Variants in OPCML observed in about 807,000 individuals in gnomAD.
OPCML encodes the protein opioid-binding protein/cell adhesion molecule.
OPCML carries 13 observed loss-of-function variants against 37.8 expected under a neutral mutation model. That is an observed-to-expected ratio of 0.34 (90% CI 0.22 to 0.55). The LOEUF (loss-of-function observed/expected upper bound fraction) is 0.55. Ranked by LOEUF, OPCML falls within the 20% of genes least tolerant of loss-of-function variation. The pLI is 0.91. For missense variants in OPCML, 341 were observed against 435.6 expected, an observed-to-expected ratio of 0.78 and a Z score of 1.93; for synonymous variants, 176 against 168.8, an observed-to-expected ratio of 1.04 and a Z score of -0.33.
chr11:132,632,127 T>C (rs1458191819), intron 3 of OPCML, among the ~76,000 whole-genome samples: 1 of 143,702 alleles, frequency 7.0e-6, no homozygotes, highest in Non-Finnish European at 1.5e-5. Context: ...GGAATGCAGA[T>C]CCAGCTTAAA....
chr11:133,438,577 C>A (rs952697842), intron 1 of OPCML, among the ~76,000 whole-genome samples: 16 of 152,094 alleles, frequency 1.1e-4, no homozygotes, highest in African/African-American at 2.9e-4. Flanking sequence ...AGGTATGACA[C>A]AATAAGAAAT....
chr11:133,403,467 A>AT (rs1945454640), intron 1 of OPCML, among the ~76,000 whole-genome samples: 2 of 152,084 alleles, frequency 1.3e-5, no homozygotes, highest in African/African-American at 4.8e-5. Context: ...GCTTAGTTTA[A>AT]TTTTTTTCTA....
intron 2 of OPCML, among the ~76,000 whole-genome samples, chr11:132,807,171 T>A (rs1939066154): frequency 6.6e-6 from 1 of 151,872 alleles, no homozygotes; most frequent in African/African-American, 2.4e-5. Context: ...ACAACAAACA[T>A]AAGAGCAAAA....
intron 3 of OPCML, among the ~76,000 whole-genome samples, chr11:132,551,493 G>A (rs1369198271): frequency 1.3e-5 from 2 of 152,176 alleles, no homozygotes; most frequent in Admixed American, 1.3e-4. Flanking sequence ...CACAAGATTA[G>A]AAATTATGGT....
At chr11:132,540,156 G>A (rs1189063082) in intron 3 of OPCML, among the ~76,000 whole-genome samples, 1 of 152,184 alleles carries the variant, frequency 6.6e-6, no homozygotes, top group African/African-American at 2.4e-5. Flanking sequence ...AGCTGAAAGA[G>A]AGAGATTTGA....
At chr11:132,656,392 A>G (rs948784329) in intron 3 of OPCML, among the ~76,000 whole-genome samples, 3 of 152,216 alleles carry the variant, frequency 2.0e-5, no homozygotes, top group Non-Finnish European at 4.4e-5. Context: ...ACTATTTTAA[A>G]ATGCACGTGA....
chr11:133,165,984 T>A (rs961508254), intron 1 of OPCML, among the ~76,000 whole-genome samples: 3 of 152,220 alleles, frequency 2.0e-5, no homozygotes, highest in Non-Finnish European at 4.4e-5. Context: ...CCTCTTCATC[T>A]TGAAAGACTT....
chr11:132,891,058 A>G (rs1943627760), intron 2 of OPCML, among the ~76,000 whole-genome samples: 1 of 152,130 alleles, frequency 6.6e-6, no homozygotes, highest in African/African-American at 2.4e-5. Context: ...TACAAGCCAC[A>G]TCCAAAGTTA....
intron 2 of OPCML, among the ~76,000 whole-genome samples, chr11:132,929,052 AAAG>A (rs1020310281): frequency 4.6e-5 from 7 of 151,766 alleles, no homozygotes; most frequent in East Asian, 1.9e-4. Context: ...GAACTAAAAA[AAAG>A]AAGAACAAAC....
chr11:132,458,869 AG>A (rs1452345691), intron 4 of OPCML, among the ~76,000 whole-genome samples: 1 of 152,184 alleles, frequency 6.6e-6, no homozygotes, highest in Non-Finnish European at 1.5e-5. Flanking sequence ...AAGAAAATGT[AG>A]CCTCCCTCAT....
intron 1 of OPCML, among the ~76,000 whole-genome samples, chr11:133,124,910 C>T (rs1167264403): frequency 6.6e-6 from 1 of 152,116 alleles, no homozygotes; most frequent in African/African-American, 2.4e-5. Flanking sequence ...GAGGTCTTCC[C>T]AGTGGACACC....
intron 1 of OPCML, among the ~76,000 whole-genome samples, chr11:133,244,278 C>T (rs192851403): frequency 6.6e-6 from 1 of 152,024 alleles, no homozygotes; most frequent in African/African-American, 2.4e-5. Flanking sequence ...TAGCCAAAAA[C>T]GACAAGGCAT....
intron 1 of OPCML, among the ~76,000 whole-genome samples, chr11:133,269,355 G>A (rs1565539703): frequency 6.6e-6 from 1 of 152,134 alleles, no homozygotes; most frequent in African/African-American, 2.4e-5. Context: ...ACTGAACAGG[G>A]AGAAGGGACT....
At chr11:133,058,207 G>A (rs1378862908) in intron 1 of OPCML, among the ~76,000 whole-genome samples, 1 of 152,194 alleles carries the variant, frequency 6.6e-6, no homozygotes, top group Non-Finnish European at 1.5e-5. Context: ...CATAGAGGAG[G>A]AGGAAGGGTT....
intron 2 of OPCML, among the ~76,000 whole-genome samples, chr11:132,702,378 T>G (rs1168351294): frequency 6.6e-6 from 1 of 152,190 alleles, no homozygotes; most frequent in African/African-American, 2.4e-5. Context: ...TATCACCCCA[T>G]TCTTTCCTGG....
chr11:133,060,848 G>A (rs1401658897), intron 1 of OPCML, among the ~76,000 whole-genome samples: 4 of 152,212 alleles, frequency 2.6e-5, no homozygotes, highest in Non-Finnish European at 5.9e-5. Flanking sequence ...ACCCTACGTG[G>A]GCATCAGCCA....
intron 2 of OPCML, among the ~76,000 whole-genome samples, chr11:132,897,091 C>A (rs983897202): frequency 2.6e-5 from 4 of 152,210 alleles, no homozygotes; most frequent in Non-Finnish European, 5.9e-5. Flanking sequence ...AGCTGCCATG[C>A]AAGCTGCTCT....
intron 1 of OPCML, among the ~76,000 whole-genome samples, chr11:133,032,909 C>T (rs748548112): frequency 3.3e-5 from 5 of 152,328 alleles, no homozygotes; most frequent in South Asian, 2.1e-4. Flanking sequence ...CACCAATTCC[C>T]TTCTGAAGAG....
chr11:133,471,295 A>C (rs1947107748), intron 1 of OPCML, among the ~76,000 whole-genome samples: 1 of 152,230 alleles, frequency 6.6e-6, no homozygotes, highest in Non-Finnish European at 1.5e-5. Flanking sequence ...ATGCAGAAGC[A>C]ATCAAAGGAA....
Sources: gnomAD v4.1 joint callset for allele counts (sites outside exome capture counted in the v4.1 genomes callset) on GRCh38, gnomAD v4.1.1 for gene constraint, MANE v1.5 for transcripts, NCBI Gene and HGNC (gene_info 2026-07-23, HGNC 2026-07-21) for gene names.